The following CAMK2B variants were observed in gnomAD, a reference collection of about 807,000 sequenced individuals.
The protein encoded by CAMK2B is calcium/calmodulin dependent protein kinase II beta, also known as calcium/calmodulin-dependent protein kinase type II subunit beta.
Under a neutral mutation model 93.7 loss-of-function variants are expected in CAMK2B, and 27 were observed. The observed-to-expected ratio is 0.29, with a 90% CI of 0.21 to 0.40. CAMK2B has a LOEUF of 0.40. CAMK2B is among the 10% of genes least tolerant of loss of function. The pLI is 1.00. For synonymous variants in CAMK2B, 374 were observed against 358.8 expected (o/e 1.04, Z -0.48); for missense variants, 568 against 895.8 (o/e 0.63, Z 4.67).
chr7:44,245,544 T>C (rs73317736), intron 6 of CAMK2B, among the ~76,000 whole-genome samples: 1,958 of 152,260 alleles, frequency 0.013, 34 homozygotes, highest in African/African-American at 0.045. Flanking sequence ...ACAATGTCTG[T>C]GGCCCCTCAC....
chr7:44,277,111 C>T (rs1562989219), intron 2 of CAMK2B, among the ~76,000 whole-genome samples: 2 of 152,160 alleles, frequency 1.3e-5, no homozygotes. Context: ...CACAACAAAA[C>T]TGTCCCCAAA....
intron 2 of CAMK2B, among the ~76,000 whole-genome samples, chr7:44,276,260 T>C (rs1197341222): frequency 6.6e-6 from 1 of 152,078 alleles, no homozygotes; most frequent in Non-Finnish European, 1.5e-5. Context: ...CATGCTCAGC[T>C]GTCCCTGCAA....
intron 1 of CAMK2B, among the ~76,000 whole-genome samples, chr7:44,300,856 T>C (rs1789798107): frequency 6.6e-6 from 1 of 152,122 alleles, no homozygotes; most frequent in Non-Finnish European, 1.5e-5. Flanking sequence ...CATGGAACAA[T>C]CACCAAGACA....
rs2096452843 is a variant in CAMK2B, at chr7:44,224,543, C to A, written c.1597+1973G>T. On this transcript the variant is annotated intron_variant, in intron 20 of 23. Coordinates refer to ENST00000395749, the MANE Select transcript of CAMK2B (RefSeq NM_001220.5). The surrounding 1 kb of genome is among the most constrained non-coding windows in gnomAD (Gnocchi z 4.4). ...CCAGGTGCCCTGACATGAACAGGAG[C>A]CTTTGCATTGCCTGTGGCTCTCTTG... is the stretch of plus-strand genomic sequence containing the variant. Among the ~76,000 whole-genome samples, 1 of 152,086 alleles carries A rather than the reference C, an allele frequency of 6.6e-6. No homozygotes were observed. The highest frequency in any genetic ancestry group is 2.4e-5 in the African/African-American group (1 of 41,402).
At chr7:44,259,049 C>CCCTACCCAGCCCGA in intron 3 of CAMK2B, 123 bp from the exon 4 acceptor site, 1 of 887,598 alleles carries the variant, frequency 1.1e-6, no homozygotes, top group Non-Finnish European at 1.8e-6. Context: ...GAGGATCGGG[C>CCCTACCCAGCCCGA]TGGGTAGGGC....
intron 1 of CAMK2B, among the ~76,000 whole-genome samples, chr7:44,320,980 G>A (rs1223219615): frequency 2.0e-5 from 3 of 152,200 alleles, no homozygotes; most frequent in Admixed American, 1.3e-4. Context: ...GGCAAAAGGA[G>A]AGCCAGGGCA....
In CAMK2B at chr7:44,239,646, C is replaced by T. The variant is rs867587128; in HGVS notation, c.964G>A (p.Ala322Thr). The change falls in exon 13 of 24, where the codon GCT (alanine) becomes ACT (threonine). Residue 322 changes from alanine to threonine, a missense_variant. Transcript: ENST00000395749. Reference sequence around the variant, plus strand: ...GCCGCGGTGGACATTGTGGCCGGAGCGGTGGTCTGTCTGCCCACTGTTAGC... The same window carrying T: ...GCCGCGGTGGACATTGTGGCCGGAGTGGTGGTCTGTCTGCCCACTGTTAGC... Reference protein sequence around the residue: ...RNFSVGRQTTAPATMSTAASG... With the variant: ...RNFSVGRQTTTPATMSTAASG... 4 of 1,348,798 alleles carry T rather than the reference C, an allele frequency of 3.0e-6. No homozygotes were observed. Among genetic ancestry groups the T allele is most frequent in the Non-Finnish European group, 3.9e-6 (4 of 1,024,136 alleles). 83.6% of individuals were successfully genotyped at this position (1,348,798 alleles called of 1,614,324 possible).
chr7:44,278,568 G>A (rs1310654468), intron 2 of CAMK2B, among the ~76,000 whole-genome samples: 1 of 152,162 alleles, frequency 6.6e-6, no homozygotes, highest in Non-Finnish European at 1.5e-5. Context: ...CCGCATGGGG[G>A]AGGCAGCCCA....
intron 15 of CAMK2B, 74 bp from the exon 16 acceptor site, chr7:44,232,940 A>T: frequency 7.5e-7 from 1 of 1,337,842 alleles, no homozygotes; most frequent in Non-Finnish European, 1.1e-6. Flanking sequence ...GACCACCAGG[A>T]GGGGAACAGG....
intron 15 of CAMK2B, among the ~76,000 whole-genome samples, chr7:44,233,108 C>T (rs2096595178): frequency 6.6e-6 from 1 of 152,230 alleles, no homozygotes; most frequent in Non-Finnish European, 1.5e-5. Flanking sequence ...GGCGGAGGTG[C>T]TGCTGTCCAG....
intron 17 of CAMK2B, 75 bp from the exon 18 acceptor site, chr7:44,229,576 G>T (rs2096558285): frequency 3.0e-6 from 2 of 662,380 alleles, no homozygotes; most frequent in Non-Finnish European, 4.8e-6. Flanking sequence ...GAAGGACAGG[G>T]GGAGGCCAGG....
At chr7:44,222,196 C>T (rs1562772332) in intron 20 of CAMK2B, among the ~76,000 whole-genome samples, 1 of 152,212 alleles carries the variant, frequency 6.6e-6, no homozygotes, top group Non-Finnish European at 1.5e-5. Context: ...GCACCGGAAG[C>T]AGGTTCCTGG....
intron 2 of CAMK2B, among the ~76,000 whole-genome samples, chr7:44,281,992 C>T (rs915546525): frequency 4.6e-5 from 7 of 152,232 alleles, no homozygotes; most frequent in African/African-American, 1.7e-4. Flanking sequence ...AGCCTAACTG[C>T]CGGAGGGCCA....
In CAMK2B at chr7:44,247,296, G is replaced by A. The variant is rs1584162061; in HGVS notation, c.342-104C>T. 10 of 938,218 alleles carry A rather than the reference G, an allele frequency of 1.1e-5. No individual in the cohort carries two copies. In the East Asian group the frequency reaches 2.6e-4, roughly 24 times the overall value. The allele number at this position is 938,218 out of a possible 1,614,324, so 58.1% of individuals were successfully genotyped here. ...TGCTGTGTGGCCTGGGGGGACCAGG[G>A]GGACAAAGCAAGTCAAGGTGAGAGG... is the stretch of plus-strand genomic sequence containing the variant. On this transcript the variant is annotated intron_variant, in intron 5 of 23. Coordinates refer to ENST00000395749, the MANE Select transcript of CAMK2B (RefSeq NM_001220.5).
At chr7:44,222,561 G>A (rs746668907) in intron 20 of CAMK2B, among the ~76,000 whole-genome samples, 1 of 151,928 alleles carries the variant, frequency 6.6e-6, no homozygotes, top group African/African-American at 2.4e-5. Context: ...TCAGCCTCCC[G>A]AGTAGCTGGA....
intron 13 of CAMK2B, among the ~76,000 whole-genome samples, chr7:44,238,596 T>C (rs1209596011): frequency 6.6e-6 from 1 of 151,990 alleles, no homozygotes; most frequent in Non-Finnish European, 1.5e-5. Flanking sequence ...AGAAGGAGGG[T>C]TCTCTGGCTG....
chr7:44,275,846 G>A (rs761216441), intron 2 of CAMK2B, among the ~76,000 whole-genome samples: 1 of 152,124 alleles, frequency 6.6e-6, no homozygotes, highest in Non-Finnish European at 1.5e-5. Context: ...TGGATGCAGG[G>A]TCCCTTCCCC....
At chr7:44,273,675 G>T (rs929229812) in intron 2 of CAMK2B, among the ~76,000 whole-genome samples, 1 of 152,200 alleles carries the variant, frequency 6.6e-6, no homozygotes, top group African/African-American at 2.4e-5. Context: ...GGGGGTGCAG[G>T]ACCCACCCTG....
At chr7:44,294,607 T>G (rs926624861) in intron 1 of CAMK2B, among the ~76,000 whole-genome samples, 3 of 152,222 alleles carry the variant, frequency 2.0e-5, no homozygotes, top group African/African-American at 7.2e-5. Flanking sequence ...GGCTACCTCC[T>G]GGCCCTGGAT....
Sources: allele counts gnomAD v4.1 joint callset (sites outside exome capture counted in the v4.1 genomes callset), GRCh38; gene constraint gnomAD v4.1.1; non-coding constraint Gnocchi (gnomAD v3.1); transcripts MANE v1.5; gene names NCBI Gene and HGNC (gene_info 2026-07-23, HGNC 2026-07-21).